The following SMARCA4 variants were observed in gnomAD, a reference collection of about 807,000 sequenced individuals.
SMARCA4 encodes SWI/SNF-related matrix-associated actin-dependent regulator of chromatin subfamily A member 4.
Under a neutral mutation model 193.9 loss-of-function variants are expected in SMARCA4, and 31 were observed. The observed-to-expected ratio is 0.16, with a 90% CI of 0.12 to 0.22. The LOEUF is 0.22. SMARCA4 is among the 10% of genes least tolerant of loss of function. SMARCA4 has a pLI of 1.00. For missense variants in SMARCA4, 1,148 were observed against 2,296.0 expected (o/e 0.50, Z 10.22); for synonymous variants, 942 against 933.1 (o/e 1.01, Z -0.17).
intron 11 of SMARCA4, 106 bp from the exon 12 acceptor site, chr19:11,002,923 C>A (rs2087790510): frequency 7.8e-7 from 1 of 1,286,570 alleles, no homozygotes; most frequent in East Asian, 2.3e-5. Context: ...GTTTGCCTGC[C>A]ATTTTCTGTG....
Position 10,987,156 on chromosome 19 carries a change from C to A in SMARCA4, c.859+153C>A, listed in dbSNP as rs1008974669. 1.3e-5 allele frequency among the ~76,000 whole-genome samples: 2 copies of A among 152,202 alleles called. No homozygotes were observed. Among genetic ancestry groups the A allele is most frequent in the Non-Finnish European group, 2.9e-5 (2 of 68,026 alleles). On this transcript the variant is annotated intron_variant, in intron 5 of 34. Coordinates refer to ENST00000344626, the MANE Select transcript of SMARCA4 (RefSeq NM_003072.5). This position sits in a 1 kb window ranked among gnomAD's most constrained non-coding sequence, Gnocchi z 5.3. ...TCTTGTGGTGGTCCCCGGGTCTCCC[C>A]TGTAGCCAGTCAGTTCCCAAAGGCT...
intron 7 of SMARCA4, 83 bp from the exon 8 acceptor site, chr19:10,991,067 C>T (rs1432525244): frequency 2.5e-6 from 4 of 1,585,616 alleles, no homozygotes; most frequent in Non-Finnish European, 3.4e-6. Flanking sequence ...AGCGGTGAAG[C>T]ATGTGACATC....
intron 30 of SMARCA4, among the ~76,000 whole-genome samples, chr19:11,053,228 A>G (rs1368295944): frequency 6.6e-6 from 1 of 152,164 alleles, no homozygotes; most frequent in Non-Finnish European, 1.5e-5. Flanking sequence ...TCATGCCTAT[A>G]ATCCCAGCAC....
At chr19:11,004,311 G>C (rs779174103) in intron 13 of SMARCA4, among the ~76,000 whole-genome samples, 2 of 149,146 alleles carry the variant, frequency 1.3e-5, no homozygotes, top group African/African-American at 5.0e-5. Context: ...GTGCAGTGGC[G>C]CGATCTCGCT....
chr19:10,969,994 G>A (rs1206968378), intron 1 of SMARCA4, among the ~76,000 whole-genome samples: 2 of 152,154 alleles, frequency 1.3e-5, no homozygotes, highest in Non-Finnish European at 2.9e-5. Flanking sequence ...GCCCTCTGAG[G>A]TATGATATGG....
intron 24 of SMARCA4, among the ~76,000 whole-genome samples, chr19:11,028,667 CTG>C (rs2090430516): frequency 6.6e-6 from 1 of 152,230 alleles, no homozygotes; most frequent in Admixed American, 6.5e-5. Context: ...AGGTCACCGC[CTG>C]TGTTTCTGCG....
chr19:11,061,228 T>A (rs2076874675), intron 34 of SMARCA4, among the ~76,000 whole-genome samples: 3 of 135,326 alleles, frequency 2.2e-5, no homozygotes, highest in Admixed American at 7.3e-5. Flanking sequence ...TATATATATA[T>A]ATATATATAT....
rs753218826 is a variant in SMARCA4 at position 11,021,990 on chromosome 19, A to G, written c.2859+23A>G. ...AAGGTGGGTTTGCCCAGCTGTGCCC[A>G]TGCTGACGGTTCCAGGTGCGGCTGG... On this transcript the variant is annotated intron_variant, in intron 19 of 34. Transcript: ENST00000344626. The G allele has an allele frequency of 8.7e-5, 140 of 1,611,360 alleles. 2 individuals are homozygous for G. The South Asian group carries it at 1.5e-3, about 17-fold the overall frequency.
intron 18 of SMARCA4, chr19:11,020,507 C>G (rs1174944602): frequency 6.6e-6 from 1 of 151,908 alleles, no homozygotes; most frequent in Non-Finnish European, 1.5e-5. Flanking sequence ...ACCTCCTGGC[C>G]TCAAGCGATC....
chr19:11,049,015 G>T (rs930168433), intron 30 of SMARCA4, among the ~76,000 whole-genome samples: 6 of 152,180 alleles, frequency 3.9e-5, no homozygotes, highest in African/African-American at 7.2e-5. Flanking sequence ...AGGGGCCACA[G>T]TAGGAACAGG....
At position 11,023,558 on chromosome 19, in the gene SMARCA4, G is replaced by A. The variant is rs1085307769; in HGVS notation, c.2900G>A (p.Arg967His). 1 of 1,613,564 alleles carries A rather than the reference G, an allele frequency of 6.2e-7. No individual in the cohort carries two copies. The highest frequency in any genetic ancestry group is 8.5e-7 in the Non-Finnish European group (1 of 1,179,746). ...GAGGAAACCATTCTCATCATCCGGCGTCTCCACAAAGTGCTGCGGCCCTTC... is the reference window on the plus strand; with the variant it reads ...GAGGAAACCATTCTCATCATCCGGCATCTCCACAAAGTGCTGCGGCCCTTC... ...NEEETILIIR[R>H]LHKVLRPFLL... is the part of the protein sequence containing the mutation. Residue 967 changes from arginine (R) to histidine (H), a missense_variant, in exon 20 of 35, where the codon CGT (arginine) becomes CAT (histidine). Transcript: ENST00000344626.
intron 13 of SMARCA4, among the ~76,000 whole-genome samples, chr19:11,006,393 A>G (rs2088205743): frequency 1.3e-5 from 2 of 152,218 alleles, no homozygotes; most frequent in South Asian, 4.1e-4. Context: ...CATATTGTAG[A>G]TGGTTGAGAC....
At chr19:10,967,629 A>C (rs1043855351) in intron 1 of SMARCA4, among the ~76,000 whole-genome samples, 2 of 150,962 alleles carry the variant, frequency 1.3e-5, no homozygotes, top group African/African-American at 4.9e-5. Flanking sequence ...CTTTCTTTAG[A>C]AAATAGGTAA....
rs1181505860 is a variant in SMARCA4, at chr19:11,058,334, C to T, written c.4504C>T (p.Arg1502Cys). 3 of 1,612,976 alleles carry T rather than the reference C, an allele frequency of 1.9e-6. No individual in the cohort carries two copies. Among genetic ancestry groups the T allele is most frequent in the South Asian group, 1.1e-5 (1 of 91,068 alleles). The change falls in exon 31 of 35, where the codon CGC (arginine) becomes TGC (cysteine). Residue 1502 changes from arginine (R) to cysteine (C), a missense_variant. Transcript: ENST00000344626. The surrounding 1 kb of genome is among the most constrained non-coding windows in gnomAD (Gnocchi z 5.8). ...KELPEYYELI[R>C]KPVDFKKIKE... ...GCTGCCCGAGTACTACGAGCTCATC[C>T]GCAAGCCCGTGGACTTCAAGAAGAT...
At chr19:10,991,020 A>G in intron 7 of SMARCA4, 130 bp from the exon 8 acceptor site, 1 of 1,458,200 alleles carries the variant, frequency 6.9e-7, no homozygotes, top group Non-Finnish European at 9.3e-7. Context: ...CCCTGCACAC[A>G]CGGACTGGGT....
chr19:11,038,818 G>C (rs2075408513), intron 29 of SMARCA4, among the ~76,000 whole-genome samples: 1 of 152,194 alleles, frequency 6.6e-6, no homozygotes. Context: ...AATACCTGGG[G>C]ATTCTCTTAA....
At chr19:11,011,041 A>C (rs1053069060) in intron 15 of SMARCA4, 4 of 226,818 alleles carry the variant, frequency 1.8e-5, no homozygotes, top group African/African-American at 8.9e-5. Flanking sequence ...GTCCTGTGTG[A>C]GGGTGAAAAG....
intron 8 of SMARCA4, 96 bp from the exon 9 acceptor site, chr19:10,994,732 T>C: frequency 9.1e-7 from 1 of 1,104,540 alleles, no homozygotes; most frequent in Non-Finnish European, 1.4e-6. Context: ...GCGCTGGGAT[T>C]ACAGGCCAAT....
intron 32 of SMARCA4, 142 bp from the exon 33 acceptor site, chr19:11,059,611 G>A: frequency 1.1e-6 from 1 of 908,636 alleles, no homozygotes; most frequent in Non-Finnish European, 1.7e-6. Flanking sequence ...GTGGGCTGAA[G>A]CCCCGACCCG....
Sources: gnomAD v4.1 joint callset for allele counts (sites outside exome capture counted in the v4.1 genomes callset) on GRCh38, gnomAD v4.1.1 for gene constraint, Gnocchi (gnomAD v3.1) non-coding constraint, MANE v1.5 for transcripts, NCBI Gene and HGNC (gene_info 2026-07-23, HGNC 2026-07-21) for gene names.